PTCHD4: variants seen among roughly 807,000 people sequenced by gnomAD.
PTCHD4 encodes the protein patched domain-containing protein 4.
A neutral mutation model predicts 58.1 loss-of-function variants in PTCHD4; 33 were observed. The ratio of observed to expected loss-of-function variants is 0.57; its 90% CI spans 0.43 to 0.76. PTCHD4 has a LOEUF of 0.76. PTCHD4 is among the 30% of genes least tolerant of loss of function. PTCHD4 has a pLI of 0.00. For synonymous variants in PTCHD4, 478 were observed against 409.6 expected (o/e 1.17, Z -2.02); for missense variants, 1,058 against 1,027.1 (o/e 1.03, Z -0.41).
intron 4 of PTCHD4, among the ~76,000 whole-genome samples, chr6:48,005,010 C>A (rs1447334815): frequency 1.3e-5 from 2 of 152,022 alleles, no homozygotes; most frequent in Non-Finnish European, 2.9e-5. Context: ...TTTTCTAAAC[C>A]CCAATCTGAG....
intron 1 of PTCHD4, among the ~76,000 whole-genome samples, chr6:48,100,755 G>A (rs1400430511): frequency 2.0e-5 from 3 of 152,126 alleles, no homozygotes; most frequent in Non-Finnish European, 4.4e-5. Flanking sequence ...ATTGTTCTGT[G>A]TGTTTCTTGC....
intron 1 of PTCHD4, among the ~76,000 whole-genome samples, chr6:48,107,900 G>A (rs1319633622): frequency 5.3e-5 from 8 of 152,266 alleles, no homozygotes; most frequent in East Asian, 1.9e-4. Context: ...ACCACAATGC[G>A]ATACCATCTC....
chr6:47,984,789 T>G (rs900014272), intron 4 of PTCHD4, among the ~76,000 whole-genome samples: 1 of 152,114 alleles, frequency 6.6e-6, no homozygotes, highest in Non-Finnish European at 1.5e-5. Context: ...TAATTTGTCA[T>G]AATTGCACTT....
intron 3 of PTCHD4, among the ~76,000 whole-genome samples, chr6:48,035,628 T>A (rs1763605911): frequency 6.6e-6 from 1 of 152,164 alleles, no homozygotes; most frequent in Non-Finnish European, 1.5e-5. Context: ...ATGTTCATGT[T>A]TGCATTGTCC....
chr6:47,907,160 T>C (rs765996233), intron 4 of PTCHD4, among the ~76,000 whole-genome samples: 2 of 152,154 alleles, frequency 1.3e-5, no homozygotes, highest in African/African-American at 2.4e-5. Context: ...GTTTTGGAAA[T>C]GACTGTACTC....
At chr6:48,044,228 G>A (rs771013396) in intron 3 of PTCHD4, among the ~76,000 whole-genome samples, 35 of 151,834 alleles carry the variant, frequency 2.3e-4, no homozygotes, top group Non-Finnish European at 4.3e-4. Flanking sequence ...CCTCCTGTCA[G>A]AAAGTTTTGA....
intron 4 of PTCHD4, among the ~76,000 whole-genome samples, chr6:47,891,562 A>G (rs562064828): frequency 1.3e-5 from 2 of 152,132 alleles, no homozygotes; most frequent in Non-Finnish European, 2.9e-5. Flanking sequence ...TTACTCTAGT[A>G]TTTTCTCCAT....
chr6:48,107,758 AAAAC>A (rs1357065491), intron 1 of PTCHD4, among the ~76,000 whole-genome samples: 1 of 152,224 alleles, frequency 6.6e-6, no homozygotes, highest in Non-Finnish European at 1.5e-5. Flanking sequence ...TTATAAGAAA[AAAAC>A]AAACAACCCC....
intron 1 of PTCHD4, among the ~76,000 whole-genome samples, chr6:48,082,041 G>A (rs564899182): frequency 3.9e-5 from 6 of 152,088 alleles, no homozygotes; most frequent in Non-Finnish European, 7.4e-5. Flanking sequence ...TGTGTTCTTG[G>A]CCTATTTTGG....
At chr6:47,969,845 G>A (rs1435801623) in intron 4 of PTCHD4, among the ~76,000 whole-genome samples, 1 of 151,956 alleles carries the variant, frequency 6.6e-6, no homozygotes, top group Non-Finnish European at 1.5e-5. Context: ...GACAGCAAAT[G>A]AAAATTACAG....
chr6:48,045,284 A>T (rs1329881344), intron 3 of PTCHD4, among the ~76,000 whole-genome samples: 1 of 151,848 alleles, frequency 6.6e-6, no homozygotes, highest in Non-Finnish European at 1.5e-5. Context: ...CTTTGGCCTA[A>T]TCCTTTACTA....
At position 48,082,373 on chromosome 6, in the gene PTCHD4, G is replaced by C. The variant is rs556323358; in HGVS notation, c.-969-12447C>G. On this transcript the variant is annotated intron_variant, in intron 1 of 4. Transcript: ENST00000339488. ...AAAGAAGCAACCTTAGTAATTAGCT[G>C]TACTCTCAATTCCTCAGTCATTTCT... is the stretch of plus-strand genomic sequence containing the variant. Among the ~76,000 whole-genome samples the C allele has an allele frequency of 6.6e-5, 10 of 152,226 alleles. No individual in the cohort carries two copies. The South Asian group carries it at 8.3e-4, about 13-fold the overall frequency.
intron 1 of PTCHD4, among the ~76,000 whole-genome samples, chr6:48,096,415 C>G (rs1220270863): frequency 1.3e-5 from 2 of 151,902 alleles, no homozygotes; most frequent in African/African-American, 4.8e-5. Context: ...AGTTCAAGAC[C>G]AGCCTGGACG....
At chr6:47,979,901 A>T (rs1767819362) in intron 4 of PTCHD4, among the ~76,000 whole-genome samples, 1 of 152,026 alleles carries the variant, frequency 6.6e-6, no homozygotes, top group South Asian at 2.1e-4. Context: ...TTTGATGGCC[A>T]TAGAACAAGT....
At chr6:47,957,526 G>T (rs1443712203) in intron 4 of PTCHD4, among the ~76,000 whole-genome samples, 1 of 150,526 alleles carries the variant, frequency 6.6e-6, no homozygotes, top group Non-Finnish European at 1.5e-5. Flanking sequence ...ACTCCCTCCA[G>T]CCCAAGAAAT....
Position 48,008,894 on chromosome 6 carries a change from G to A in PTCHD4, c.638C>T (p.Ser213Phe). Residue 213 changes from serine to phenylalanine, a missense_variant, in exon 4 of 5, where the codon TCT becomes TTT. Transcript: ENST00000339488. The stretch of plus-strand genomic sequence containing the variant: ...CCTCCAGAGGCTAAAGGATGCTAAA[G>A]AGTAGAGCTGGAGTTCTTGATGCTC... ...QEEHQELQLYSLASFSLWRDF... is the reference protein window; with the variant it reads ...QEEHQELQLYFLASFSLWRDF... The A allele has an allele frequency of 6.2e-7, 1 of 1,614,024 alleles. No individual in the cohort carries two copies. The highest frequency in any genetic ancestry group is 8.5e-7 in the Non-Finnish European group (1 of 1,179,890).
chr6:47,946,457 T>C (rs528960935), intron 4 of PTCHD4, among the ~76,000 whole-genome samples: 26 of 152,266 alleles, frequency 1.7e-4, no homozygotes, highest in African/African-American at 6.0e-4. Context: ...TATCTCTTAG[T>C]AAAGGCTTTG....
chr6:48,068,685 T>C lies in PTCHD4; in HGVS notation c.6-44A>G, dbSNP rs1427446949. 1 of 1,497,096 alleles carries C rather than the reference T, an allele frequency of 6.7e-7. No homozygotes were observed. Among genetic ancestry groups the C allele is most frequent in the Non-Finnish European group, 8.9e-7 (1 of 1,126,332 alleles). The allele number at this position is 1,497,096 out of a possible 1,614,324, so 92.7% of individuals were successfully genotyped here. A position where few individuals can be genotyped will look rare whatever the true frequency, so the allele number is the denominator to read the frequency against. On this transcript the variant is annotated intron_variant, in intron 2 of 4. Transcript: ENST00000339488. The surrounding 1 kb of genome is among the most constrained non-coding windows in gnomAD (Gnocchi z 4.2). ...CATGTGTAAGCGCCGGGCTACCCCG[T>C]TCTCCCCCATCCCACCCCCTGGGGC...
At chr6:48,010,200 G>A (rs1762615146) in intron 3 of PTCHD4, among the ~76,000 whole-genome samples, 1 of 152,216 alleles carries the variant, frequency 6.6e-6, no homozygotes, top group African/African-American at 2.4e-5. Flanking sequence ...GTGAGAGACA[G>A]GCACTAAGGT....
Sources: gnomAD v4.1 joint callset for allele counts (sites outside exome capture counted in the v4.1 genomes callset) on GRCh38, gnomAD v4.1.1 for gene constraint, Gnocchi (gnomAD v3.1) non-coding constraint, MANE v1.5 for transcripts, NCBI Gene and HGNC (gene_info 2026-07-23, HGNC 2026-07-21) for gene names.